Variants in NRXN3 observed in about 807,000 individuals in gnomAD.
The protein encoded by NRXN3 is neurexin 3, also known as neurexin III.
Under a neutral mutation model 137.6 loss-of-function variants are expected in NRXN3, and 32 were observed. That is an observed-to-expected ratio of 0.23 (90% confidence interval 0.18 to 0.31). The LOEUF (loss-of-function observed/expected upper bound fraction) is 0.31. NRXN3 is among the 10% of genes least tolerant of loss of function. The probability of loss-of-function intolerance (pLI) is 1.00; values close to 1 mark genes in which losing one functional copy is unlikely to be tolerated. For missense variants in NRXN3, 1,574 were observed against 2,062.5 expected (o/e 0.76, Z 4.59); for synonymous variants, 798 against 784.5 (o/e 1.02, Z -0.29).
In NRXN3 at chr14:78,860,545, C is replaced by T. The variant is rs563693069; in HGVS notation, c.2275+50201C>T. On this transcript the variant is annotated intron_variant, in intron 10 of 20. Transcript: ENST00000335750. ...ATTTCCATCAAGTGCACATGTACACCTCTTAGAATTGTCACTTTAGGTTAT... is the reference window on the plus strand; with the variant it reads ...ATTTCCATCAAGTGCACATGTACACTTCTTAGAATTGTCACTTTAGGTTAT... Among the ~76,000 whole-genome samples the T allele has an allele frequency of 1.3e-3, 193 of 152,120 alleles. 1 individual carries two copies. The highest frequency in any genetic ancestry group is 1.5e-3 in the Non-Finnish European group (101 of 68,002).
At chr14:78,420,910 G>A (rs868739225) in intron 4 of NRXN3, among the ~76,000 whole-genome samples, 1 of 152,146 alleles carries the variant, frequency 6.6e-6, no homozygotes, top group Admixed American at 6.5e-5. Context: ...ACCTCCATGG[G>A]GCAAAGGCTC....
intron 4 of NRXN3, among the ~76,000 whole-genome samples, chr14:78,405,693 G>C (rs963010751): frequency 6.6e-6 from 1 of 152,164 alleles, no homozygotes; most frequent in African/African-American, 2.4e-5. Context: ...ATTGTGGACA[G>C]ATGCTATGCT....
At chr14:78,857,945 A>AATT (rs2099062058) in intron 10 of NRXN3, among the ~76,000 whole-genome samples, 1 of 152,168 alleles carries the variant, frequency 6.6e-6, no homozygotes, top group East Asian at 1.9e-4. Context: ...ACCCTTATCC[A>AATT]AGATTCTGAA....
At chr14:78,811,155 T>C (rs1230784365) in intron 10 of NRXN3, among the ~76,000 whole-genome samples, 1 of 152,230 alleles carries the variant, frequency 6.6e-6, no homozygotes, top group East Asian at 1.9e-4. Flanking sequence ...CATATTATAT[T>C]AGGCTTATTA....
At chr14:78,324,427 A>C (rs569077321) in intron 4 of NRXN3, among the ~76,000 whole-genome samples, 37 of 152,090 alleles carry the variant, frequency 2.4e-4, no homozygotes, top group Non-Finnish European at 4.9e-4. Flanking sequence ...AAGTGGGAAG[A>C]AAAAAATGCA....
At chr14:79,316,059 CT>C (rs2088588568) in intron 15 of NRXN3, among the ~76,000 whole-genome samples, 1 of 152,166 alleles carries the variant, frequency 6.6e-6, no homozygotes, top group Non-Finnish European at 1.5e-5. Flanking sequence ...CTTACTTAAC[CT>C]TACTTCAGTG....
chr14:79,517,733 A>G (rs1402620822), intron 16 of NRXN3, among the ~76,000 whole-genome samples: 3 of 151,820 alleles, frequency 2.0e-5, no homozygotes, highest in Non-Finnish European at 4.4e-5. Flanking sequence ...TTTCCCATTT[A>G]AGCCTCTGTT....
In NRXN3 at chr14:78,263,815, A is replaced by G. The variant is rs186447862; in HGVS notation, c.710-14830A>G. Among the ~76,000 whole-genome samples the G allele has an allele frequency of 4.7e-5, 7 of 148,894 alleles. 1 individual carries two copies. The highest frequency in any genetic ancestry group is 1.5e-4 in the African/African-American group (6 of 40,098). On this transcript the variant is annotated intron_variant, in intron 2 of 20. Coordinates refer to ENST00000335750, the MANE Select transcript of NRXN3 (RefSeq NM_001330195.2). ...TCAAGAATGTTTGATCCTTCCTTCA[A>G]TTTTTTAGTTAATAACAAATTTCAC...
At chr14:79,191,581 C>T (rs1162937967) in intron 15 of NRXN3, among the ~76,000 whole-genome samples, 1 of 152,170 alleles carries the variant, frequency 6.6e-6, no homozygotes, top group Non-Finnish European at 1.5e-5. Flanking sequence ...ATATTCCAGC[C>T]TTATAGCATA....
chr14:79,651,422 G>T (rs1007146032), intron 16 of NRXN3, among the ~76,000 whole-genome samples: 1 of 152,160 alleles, frequency 6.6e-6, no homozygotes, highest in African/African-American at 2.4e-5. Flanking sequence ...GAATGCAAAG[G>T]TGCTTTCACC....
chr14:78,912,855 T>C (rs1055210295), intron 10 of NRXN3, among the ~76,000 whole-genome samples: 14 of 152,168 alleles, frequency 9.2e-5, no homozygotes, highest in Non-Finnish European at 1.3e-4. Flanking sequence ...AACCAAGTTT[T>C]TTGTTTTTTG....
At chr14:79,467,743 A>G (rs2096448851) in intron 16 of NRXN3, among the ~76,000 whole-genome samples, 1 of 152,082 alleles carries the variant, frequency 6.6e-6, no homozygotes, top group African/African-American at 2.4e-5. Context: ...CAAGCAGCAA[A>G]GCCAAGTGGA....
At chr14:79,132,445 T>C (rs2057670189) in intron 15 of NRXN3, among the ~76,000 whole-genome samples, 1 of 152,230 alleles carries the variant, frequency 6.6e-6, no homozygotes, top group Non-Finnish European at 1.5e-5. Flanking sequence ...TTTACAATTT[T>C]AAATTTTGAT....
In NRXN3 at chr14:79,392,041, T is replaced by C. The variant is rs1372852474; in HGVS notation, c.3263-75180T>C. Among the ~76,000 whole-genome samples the C allele has an allele frequency of 8.5e-5, 13 of 152,156 alleles. 1 individual carries two copies. Among genetic ancestry groups the C allele is most frequent in the Admixed American group, 8.5e-4 (13 of 15,270 alleles). ...TAAGTTCTGAGATACATGTGCAGAATGTGCAGGTTTGTTATGTAGGTATAC... is the reference window on the plus strand; with the variant it reads ...TAAGTTCTGAGATACATGTGCAGAACGTGCAGGTTTGTTATGTAGGTATAC... On this transcript the variant is annotated intron_variant, in intron 15 of 20. Transcript: ENST00000335750.
At chr14:79,805,250 T>C (rs143460170) in intron 20 of NRXN3, 60 bp downstream of exon 20, 37 of 1,188,070 alleles carry the variant, frequency 3.1e-5, no homozygotes, top group Middle Eastern at 3.9e-4. Context: ...AAACAATACA[T>C]ACATATATGT....
At chr14:78,888,326 A>T (rs1433789295) in intron 10 of NRXN3, among the ~76,000 whole-genome samples, 1 of 152,052 alleles carries the variant, frequency 6.6e-6, no homozygotes, top group East Asian at 1.9e-4. Flanking sequence ...AGTTGACAGC[A>T]AATTATTGAA....
intron 15 of NRXN3, among the ~76,000 whole-genome samples, chr14:79,341,000 A>T (rs984391298): frequency 1.3e-5 from 2 of 152,224 alleles, no homozygotes; most frequent in Non-Finnish European, 2.9e-5. Flanking sequence ...AATTAAAATG[A>T]GAATTGCGCT....
intron 16 of NRXN3, among the ~76,000 whole-genome samples, chr14:79,603,323 A>T (rs1252042607): frequency 2.0e-5 from 3 of 152,186 alleles, no homozygotes; most frequent in Admixed American, 2.0e-4. Flanking sequence ...ACATCTTTCA[A>T]GCCTCATCTA....
intron 16 of NRXN3, among the ~76,000 whole-genome samples, chr14:79,517,135 C>T (rs1312703448): frequency 1.3e-5 from 2 of 149,588 alleles, no homozygotes; most frequent in Non-Finnish European, 3.0e-5. Flanking sequence ...CCACACCTCA[C>T]CAATAGAGAC....
Sources: allele counts gnomAD v4.1 joint callset (sites outside exome capture counted in the v4.1 genomes callset), GRCh38; gene constraint gnomAD v4.1.1; transcripts MANE v1.5; gene names NCBI Gene and HGNC (gene_info 2026-07-23, HGNC 2026-07-21).